Variants in KPNA3 observed in about 807,000 individuals in gnomAD.
KPNA3 encodes importin subunit alpha-4.
In KPNA3, 13 loss-of-function variants were observed where a neutral mutation model predicts 73.8. The observed-to-expected ratio is 0.18, with a 90% CI of 0.11 to 0.28. The LOEUF (loss-of-function observed/expected upper bound fraction) is 0.28. Ranked by LOEUF, KPNA3 falls within the 10% of genes least tolerant of loss-of-function variation. The pLI, the probability that KPNA3 is intolerant of heterozygous loss-of-function variation, is 1.00. For synonymous variants in KPNA3, 186 were observed against 206.9 expected (o/e 0.90, Z 0.87); for missense variants, 360 against 618.1 (o/e 0.58, Z 4.43).
chr13:49,741,749 C>A (rs1954576396), intron 2 of KPNA3, among the ~76,000 whole-genome samples: 1 of 152,194 alleles, frequency 6.6e-6, no homozygotes, highest in Non-Finnish European at 1.5e-5. Context: ...CCACCGTGCC[C>A]AATCCTTGCC....
intron 1 of KPNA3, among the ~76,000 whole-genome samples, chr13:49,764,066 CAAAAAAAAAAAAA>C (rs11301654): frequency 2.8e-4 from 22 of 79,944 alleles, no homozygotes; most frequent in Middle Eastern, 6.8e-3. Context: ...GACCCTGTCT[CAAAAAAAAAAAAA>C]AAAAAAAAGA....
intron 10 of KPNA3, among the ~76,000 whole-genome samples, chr13:49,716,414 T>C (rs779197479): frequency 5.3e-5 from 8 of 152,186 alleles, no homozygotes; most frequent in Non-Finnish European, 1.0e-4. Flanking sequence ...TTCCACATTT[T>C]ATGCTTCTAT....
At position 49,701,653 on chromosome 13, in the gene KPNA3, G is replaced by A; in HGVS notation, c.*147C>T. The stretch of plus-strand genomic sequence containing the variant: ...GATAGTGACTTTTGGCAACTGCAAA[G>A]TGACTGAGACATGGCTTGCTTTAGA... On this transcript the variant is annotated 3_prime_UTR_variant, in exon 17 of 17. Coordinates refer to ENST00000261667, the MANE Select transcript of KPNA3 (RefSeq NM_002267.4). 1.3e-6 allele frequency: 1 copy of A among 767,450 alleles called. No homozygotes were observed. The highest frequency in any genetic ancestry group is 2.4e-6 in the Non-Finnish European group (1 of 411,482). The allele number at this position is 767,450 out of a possible 1,614,324, so 47.5% of individuals were successfully genotyped here. A position where few individuals can be genotyped will look rare whatever the true frequency, so the allele number is the denominator to read the frequency against.
intron 1 of KPNA3, among the ~76,000 whole-genome samples, chr13:49,747,800 T>C (rs1954631721): frequency 6.6e-6 from 1 of 152,194 alleles, no homozygotes; most frequent in African/African-American, 2.4e-5. Context: ...TGGATATCTG[T>C]TGGTTAATTT....
At chr13:49,715,048 TACAG>T (rs1345084838) in intron 10 of KPNA3, among the ~76,000 whole-genome samples, 1 of 152,038 alleles carries the variant, frequency 6.6e-6, no homozygotes, top group Non-Finnish European at 1.5e-5. Flanking sequence ...GAATTTTCTC[TACAG>T]ACACTGAAAA....
intron 2 of KPNA3, among the ~76,000 whole-genome samples, chr13:49,735,253 G>A (rs1954511560): frequency 6.6e-6 from 1 of 152,136 alleles, no homozygotes; most frequent in Non-Finnish European, 1.5e-5. Flanking sequence ...CTCCTGAATA[G>A]CTGGGATTAC....
At position 49,710,719 on chromosome 13, in the gene KPNA3, A is replaced by C. The variant is rs76763330; in HGVS notation, c.903+172T>G. ...TGGCTATACAAGTGTGGAACTCAGC[A>C]AAGAAACTGGGTGAGATAAAGATTT... On this transcript the variant is annotated intron_variant, in intron 11 of 16. Coordinates refer to ENST00000261667, the MANE Select transcript of KPNA3 (RefSeq NM_002267.4). 1.6e-4 allele frequency among the ~76,000 whole-genome samples: 24 copies of C among 152,344 alleles called. No individual in the cohort carries two copies. In the East Asian group the frequency reaches 4.6e-3, roughly 29 times the overall value.
intron 6 of KPNA3, among the ~76,000 whole-genome samples, chr13:49,727,839 A>G (rs1954424593): frequency 2.0e-5 from 3 of 152,208 alleles, no homozygotes; most frequent in Admixed American, 2.0e-4. Context: ...TTTATGGTGA[A>G]GCTTGGGTGA....
chr13:49,749,412 A>C (rs1209217725), intron 1 of KPNA3, among the ~76,000 whole-genome samples: 2 of 152,222 alleles, frequency 1.3e-5, no homozygotes, highest in Non-Finnish European at 2.9e-5. Context: ...ATACGAATTG[A>C]CTAGAAATAC....
intron 9 of KPNA3, among the ~76,000 whole-genome samples, chr13:49,721,264 C>CGA (rs1954354484): frequency 1.3e-5 from 2 of 152,116 alleles, no homozygotes; most frequent in African/African-American, 4.8e-5. Context: ...AAAGCAAACT[C>CGA]ATTCAAGAAC....
At position 49,762,162 on chromosome 13, in the gene KPNA3, G is replaced by A. The variant is rs375843663; in HGVS notation, c.70-15169C>T. Among the ~76,000 whole-genome samples, 725 of 149,990 alleles carry A rather than the reference G, an allele frequency of 4.8e-3. 29 individuals are homozygous for A. In the East Asian group the frequency reaches 0.11, roughly 23 times the overall value. On this transcript the variant is annotated intron_variant, in intron 1 of 16. Transcript: ENST00000261667. ...CCGTCCGGGAGGGAGGTGGGGGGCAGCCCCCGCCCGGCCAGCCGCCTCGTC... is the reference window on the plus strand; with the variant it reads ...CCGTCCGGGAGGGAGGTGGGGGGCAACCCCCGCCCGGCCAGCCGCCTCGTC...
At chr13:49,748,063 A>G (rs1954633647) in intron 1 of KPNA3, among the ~76,000 whole-genome samples, 1 of 152,216 alleles carries the variant, frequency 6.6e-6, no homozygotes, top group South Asian at 2.1e-4. Context: ...ACAAGGTAGT[A>G]AATAATGCCT....
At chr13:49,758,966 G>A (rs1954735644) in intron 1 of KPNA3, among the ~76,000 whole-genome samples, 1 of 152,056 alleles carries the variant, frequency 6.6e-6, no homozygotes, top group Non-Finnish European at 1.5e-5. Flanking sequence ...AAAGGTACAA[G>A]GTAAGCCTGC....
chr13:49,768,305 C>T (rs933910498), intron 1 of KPNA3, among the ~76,000 whole-genome samples: 10 of 147,650 alleles, frequency 6.8e-5, no homozygotes, highest in African/African-American at 2.5e-4. Context: ...AAAGCTGCTA[C>T]ATAGAAGCCA....
chr13:49,722,407 G>A (rs1340639884), intron 8 of KPNA3, 70 bp downstream of exon 8: 5 of 998,796 alleles, frequency 5.0e-6, no homozygotes, highest in Non-Finnish European at 7.8e-6. Flanking sequence ...AACATAGTAT[G>A]TAATGGCTAT....
chr13:49,716,839 C>G (rs373835403), intron 10 of KPNA3, among the ~76,000 whole-genome samples: 2 of 152,160 alleles, frequency 1.3e-5, no homozygotes, highest in Non-Finnish European at 2.9e-5. Context: ...GCCCTCCTTC[C>G]GAAATACAGC....
At chr13:49,790,444 T>A (rs113600973) in intron 1 of KPNA3, among the ~76,000 whole-genome samples, 1 of 152,134 alleles carries the variant, frequency 6.6e-6, no homozygotes, top group Non-Finnish European at 1.5e-5. Context: ...CCAACTTGGG[T>A]AAAGGAGCAA....
chr13:49,705,951 G>T, intron 14 of KPNA3, 147 bp downstream of exon 14: 3 of 968,118 alleles, frequency 3.1e-6, no homozygotes, highest in Non-Finnish European at 4.5e-6. Context: ...TCTAGCCTGG[G>T]CAACATAGTG....
intron 2 of KPNA3, among the ~76,000 whole-genome samples, chr13:49,734,408 T>C (rs1352174213): frequency 6.6e-6 from 1 of 152,216 alleles, no homozygotes; most frequent in Non-Finnish European, 1.5e-5. Context: ...TTAGCTGACA[T>C]CTGCTTTATA....
Sources: gnomAD v4.1 joint callset for allele counts (sites outside exome capture counted in the v4.1 genomes callset) on GRCh38, gnomAD v4.1.1 for gene constraint, MANE v1.5 for transcripts, NCBI Gene and HGNC (gene_info 2026-07-23, HGNC 2026-07-21) for gene names.